PTPRG: variants seen among roughly 807,000 people sequenced by gnomAD.
PTPRG encodes protein tyrosine phosphatase receptor type G.
Under a neutral mutation model 165.3 loss-of-function variants are expected in PTPRG, and 102 were observed. The ratio of observed to expected loss-of-function variants is 0.62; its 90% confidence interval spans 0.53 to 0.73. The LOEUF is 0.73. Ranked by LOEUF, PTPRG falls within the 30% of genes least tolerant of loss-of-function variation. The pLI is 0.00. For synonymous variants in PTPRG, 675 were observed against 669.5 expected (o/e 1.01, Z -0.13); for missense variants, 1,866 against 1,861.4 (o/e 1.00, Z -0.05).
intron 6 of PTPRG, among the ~76,000 whole-genome samples, chr3:62,143,063 C>T (rs952255225): frequency 1.3e-5 from 2 of 152,180 alleles, no homozygotes; most frequent in Admixed American, 6.5e-5. Flanking sequence ...GACTCCAGGT[C>T]CTCTCCCGCT....
intron 2 of PTPRG, among the ~76,000 whole-genome samples, chr3:61,877,416 G>A (rs2037772394): frequency 6.6e-6 from 1 of 152,186 alleles, no homozygotes. Flanking sequence ...GTTACCGGCA[G>A]GGGGTTAATA....
rs536600064 is a variant in PTPRG, at chr3:61,642,865, C to T, written c.85+80493C>T. 3.3e-4 allele frequency among the ~76,000 whole-genome samples: 51 copies of T among 152,248 alleles called. No homozygotes were observed. In the South Asian group the frequency reaches 0.011, roughly 32 times the overall value. Reference sequence around the variant, plus strand: ...TGAATTGATGGATCTGGGCATGAGACATCGACACTTGGTAATATCCTCCAG... The same window carrying T: ...TGAATTGATGGATCTGGGCATGAGATATCGACACTTGGTAATATCCTCCAG... On this transcript the variant is annotated intron_variant, in intron 1 of 29. Coordinates refer to ENST00000474889, the MANE Select transcript of PTPRG (RefSeq NM_002841.4).
intron 13 of PTPRG, among the ~76,000 whole-genome samples, chr3:62,225,575 C>G (rs965490197): frequency 2.0e-5 from 3 of 149,374 alleles, no homozygotes; most frequent in Non-Finnish European, 4.4e-5. Context: ...TCTTATTGCT[C>G]TGATGAGCAA....
intron 4 of PTPRG, among the ~76,000 whole-genome samples, chr3:62,017,480 G>A (rs960106080): frequency 6.6e-6 from 1 of 150,914 alleles, no homozygotes; most frequent in Non-Finnish European, 1.5e-5. Flanking sequence ...CAGTGGCGCT[G>A]TCTTGGCTCA....
intron 12 of PTPRG, among the ~76,000 whole-genome samples, chr3:62,218,616 G>A (rs1391982771): frequency 6.6e-6 from 1 of 152,158 alleles, no homozygotes; most frequent in Admixed American, 6.5e-5. Flanking sequence ...AACTGTATCT[G>A]TAAATCCATA....
intron 1 of PTPRG, chr3:61,743,135 G>C (rs1037572516): frequency 3.4e-6 from 4 of 1,185,360 alleles, no homozygotes; most frequent in Non-Finnish European, 3.7e-6. Flanking sequence ...AACCGGAAAA[G>C]AGCGGGTCTG....
rs183055482 is a variant in PTPRG, at chr3:62,142,073, A to C, written c.682+9405A>C. On this transcript the variant is annotated intron_variant, in intron 6 of 29. Transcript: ENST00000474889. ...AAAGAATGGCCCACTCAACAATATG[A>C]GTGCATCCGAGATTGGTAAAGTTAA... Among the ~76,000 whole-genome samples the C allele has an allele frequency of 3.5e-4, 52 of 150,408 alleles. No individual in the cohort carries two copies. The East Asian group carries it at 9.1e-3, about 26-fold the overall frequency.
Position 62,191,517 on chromosome 3 carries a change from C to A in PTPRG, c.1082C>A (p.Thr361Lys). ...ATGAAGGTGCAGCCTCTGAACCAGA[C>A]GGCACTGCAGGTGTCCTGGAGCCAG... is the stretch of plus-strand genomic sequence containing the variant. Reference protein sequence around the residue: ...IHMKVQPLNQTALQVSWSQPE... With the variant: ...IHMKVQPLNQKALQVSWSQPE... The change falls in exon 9 of 30, where the codon ACG becomes AAG. Residue 361 changes from threonine (T) to lysine (K), a missense_variant. Thr to Lys is a moderately conservative substitution (Grantham distance 78). This residue lies in a region of PTPRG where 1,452 missense variants were observed against 1,463.0 expected (regional missense o/e 0.99). Transcript: ENST00000474889. 2 of 1,614,146 alleles carry A rather than the reference C, an allele frequency of 1.2e-6. No homozygotes were observed. The highest frequency in any genetic ancestry group is 2.2e-5 in the South Asian group (2 of 91,072).
chr3:62,045,636 T>G (rs573244807), intron 4 of PTPRG, among the ~76,000 whole-genome samples: 1 of 151,516 alleles, frequency 6.6e-6, no homozygotes, highest in Non-Finnish European at 1.5e-5. Context: ...TAGTAATTTG[T>G]TAAAATAGTT....
At chr3:62,078,398 G>T in intron 5 of PTPRG, 140 bp downstream of exon 5, 1 of 594,152 alleles carries the variant, frequency 1.7e-6, no homozygotes. Flanking sequence ...ATTGTCTAAT[G>T]TGTGATTTAA....
intron 16 of PTPRG, among the ~76,000 whole-genome samples, chr3:62,260,536 G>C (rs1182750553): frequency 3.3e-5 from 5 of 152,124 alleles, no homozygotes; most frequent in Non-Finnish European, 7.4e-5. Context: ...CTATGCTTAT[G>C]TGCCTGTTAA....
chr3:62,063,075 C>T (rs1252782162), intron 4 of PTPRG, among the ~76,000 whole-genome samples: 2 of 152,218 alleles, frequency 1.3e-5, no homozygotes, highest in Non-Finnish European at 1.5e-5. Flanking sequence ...GTAAAAGCAT[C>T]ATCTCAATTT....
At chr3:61,628,485 T>G (rs1575548692) in intron 1 of PTPRG, among the ~76,000 whole-genome samples, 1 of 151,838 alleles carries the variant, frequency 6.6e-6, no homozygotes, top group African/African-American at 2.4e-5. Flanking sequence ...CCAGCTAATT[T>G]TTGTTGTTGT....
chr3:61,617,873 A>T (rs1575541057), intron 1 of PTPRG, among the ~76,000 whole-genome samples: 1 of 152,178 alleles, frequency 6.6e-6, no homozygotes, highest in East Asian at 1.9e-4. Context: ...GACTGACAGT[A>T]AGAGCTTGTA....
At chr3:62,064,563 G>A (rs1276529496) in intron 4 of PTPRG, among the ~76,000 whole-genome samples, 2 of 151,886 alleles carry the variant, frequency 1.3e-5, no homozygotes, top group African/African-American at 2.4e-5. Context: ...TTCCCCTGAT[G>A]CCATCGATGG....
At chr3:61,999,638 G>A (rs773017478) in intron 3 of PTPRG, among the ~76,000 whole-genome samples, 5 of 151,950 alleles carry the variant, frequency 3.3e-5, no homozygotes, top group East Asian at 1.9e-4. Flanking sequence ...TTGTAGTACC[G>A]TTTTCTTCTA....
At chr3:61,878,333 T>C (rs903898441) in intron 2 of PTPRG, among the ~76,000 whole-genome samples, 2 of 152,178 alleles carry the variant, frequency 1.3e-5, no homozygotes, top group African/African-American at 4.8e-5. Context: ...TAGGATTTAA[T>C]TCTTCTATCT....
intron 14 of PTPRG, among the ~76,000 whole-genome samples, chr3:62,241,409 C>T (rs768100166): frequency 6.6e-6 from 1 of 152,190 alleles, no homozygotes; most frequent in African/African-American, 2.4e-5. Context: ...CAGCAAGGTA[C>T]AGATGCGGAG....
rs555594961 is a variant in PTPRG at position 62,069,502 on chromosome 3, G to A, written c.520-8661G>A. Among the ~76,000 whole-genome samples, 11 of 152,232 alleles carry A rather than the reference G, an allele frequency of 7.2e-5. No homozygotes were observed. The South Asian group carries it at 1.5e-3, about 20-fold the overall frequency. On this transcript the variant is annotated intron_variant, in intron 4 of 29. Transcript: ENST00000474889. ...TTCAGAGCTCAAAGAAGCTCAAAAA[G>A]TAACGGAGTTGCAAAATGGTTTTAT...
Sources: allele counts gnomAD v4.1 joint callset (sites outside exome capture counted in the v4.1 genomes callset), GRCh38; gene constraint gnomAD v4.1.1; regional missense constraint gnomAD v4.1.1; transcripts MANE v1.5; gene names NCBI Gene and HGNC (gene_info 2026-07-23, HGNC 2026-07-21).